Variants in KALRN observed in about 807,000 individuals in gnomAD.
KALRN encodes kalirin.
KALRN carries 70 observed loss-of-function variants against 353.7 expected under a neutral mutation model. The observed-to-expected ratio is 0.20, with a 90% CI of 0.16 to 0.24. The LOEUF is 0.24. Ranked by LOEUF, KALRN falls within the 10% of genes least tolerant of loss-of-function variation. The probability of loss-of-function intolerance (pLI) is 1.00; values close to 1 mark genes in which losing one functional copy is unlikely to be tolerated. For synonymous variants in KALRN, 1,391 were observed against 1,434.8 expected (o/e 0.97, Z 0.69); for missense variants, 2,791 against 3,756.7 (o/e 0.74, Z 6.72).
At chr3:124,175,596 C>T (rs1358060745) in intron 1 of KALRN, among the ~76,000 whole-genome samples, 2 of 146,638 alleles carry the variant, frequency 1.4e-5, no homozygotes, top group Non-Finnish European at 3.0e-5. Context: ...TGTGGAGGTG[C>T]GCGCTGCCGA....
chr3:124,308,746 A>G (rs2077951638), intron 6 of KALRN, among the ~76,000 whole-genome samples: 1 of 151,862 alleles, frequency 6.6e-6, no homozygotes, highest in Non-Finnish European at 1.5e-5. Flanking sequence ...CTAAACTTCC[A>G]CTTTAAAACA....
chr3:124,047,198 T>C lies in KALRN; in HGVS notation c.73+13385T>C, dbSNP rs144275171. 1.6e-4 allele frequency among the ~76,000 whole-genome samples: 25 copies of C among 152,274 alleles called. No individual in the cohort carries two copies. The East Asian group carries it at 4.8e-3, about 29-fold the overall frequency. On this transcript the variant is annotated intron_variant, in intron 1 of 59. Coordinates refer to ENST00000682506, the MANE Select transcript of KALRN (RefSeq NM_001388419.1). ...AAGTAGGAAAGTTCAAACATGCAAA[T>C]GGATCAACTAATTAATATTGAGTGA...
At chr3:124,332,970 GAAAA>G (rs1163837641) in intron 8 of KALRN, among the ~76,000 whole-genome samples, 2 of 151,754 alleles carry the variant, frequency 1.3e-5, no homozygotes, top group African/African-American at 4.8e-5. Flanking sequence ...TATAAAAAAA[GAAAA>G]AAAAGAGGTT....
At chr3:124,643,487 G>T (rs2082337081) in intron 37 of KALRN, among the ~76,000 whole-genome samples, 1 of 152,218 alleles carries the variant, frequency 6.6e-6, no homozygotes, top group Non-Finnish European at 1.5e-5. Context: ...TTTTGTTGTT[G>T]TTCGGTTTTT....
chr3:124,294,902 C>G (rs1008733514), intron 5 of KALRN, among the ~76,000 whole-genome samples: 16 of 152,222 alleles, frequency 1.1e-4, no homozygotes, highest in Non-Finnish European at 2.2e-4. Context: ...AAACCACTAT[C>G]TCTTCAAATG....
At chr3:124,495,909 AT>A (rs1352531442) in intron 32 of KALRN, among the ~76,000 whole-genome samples, 1 of 136,580 alleles carries the variant, frequency 7.3e-6, no homozygotes, top group Non-Finnish European at 1.6e-5. Context: ...AGTAGGATAT[AT>A]ATCTTCCTAC....
intron 1 of KALRN, among the ~76,000 whole-genome samples, chr3:124,056,096 C>T (rs1237005577): frequency 6.6e-6 from 1 of 152,224 alleles, no homozygotes; most frequent in Non-Finnish European, 1.5e-5. Context: ...TCTCTTCAAG[C>T]ATCAGGACTT....
chr3:124,708,434 A>G (rs1483729698), intron 57 of KALRN, among the ~76,000 whole-genome samples: 5 of 152,242 alleles, frequency 3.3e-5, no homozygotes, highest in Admixed American at 1.3e-4. Context: ...ACAGAGAAAT[A>G]GAAATGATTT....
chr3:124,285,151 G>A (rs1047478986), intron 5 of KALRN, among the ~76,000 whole-genome samples: 9 of 152,146 alleles, frequency 5.9e-5, no homozygotes, highest in Admixed American at 5.9e-4. Flanking sequence ...TCCTGAACAT[G>A]TAAATAAAAA....
At chr3:124,431,700 A>G (rs1202358952) in intron 16 of KALRN, among the ~76,000 whole-genome samples, 1 of 152,246 alleles carries the variant, frequency 6.6e-6, no homozygotes, top group East Asian at 1.9e-4. Context: ...TTTACTAAAA[A>G]AAAAATTGTT....
At chr3:124,098,674 T>A (rs1281817973) in intron 1 of KALRN, among the ~76,000 whole-genome samples, 1 of 152,224 alleles carries the variant, frequency 6.6e-6, no homozygotes, top group Non-Finnish European at 1.5e-5. Flanking sequence ...AATCCTGGAC[T>A]TGCGCCTACC....
At chr3:124,243,793 T>C (rs1280935884) in intron 3 of KALRN, among the ~76,000 whole-genome samples, 1 of 152,134 alleles carries the variant, frequency 6.6e-6, no homozygotes, top group Admixed American at 6.5e-5. Flanking sequence ...CCAAACACAA[T>C]GGTAGTGAGG....
intron 3 of KALRN, among the ~76,000 whole-genome samples, chr3:124,251,499 A>G (rs1235520619): frequency 6.6e-6 from 1 of 151,486 alleles, no homozygotes; most frequent in East Asian, 1.9e-4. Context: ...CCTCCCTAGT[A>G]GCTGGGACTA....
chr3:124,505,385 T>A (rs1430422592), intron 33 of KALRN, among the ~76,000 whole-genome samples: 1 of 152,184 alleles, frequency 6.6e-6, no homozygotes, highest in Non-Finnish European at 1.5e-5. Flanking sequence ...ATCCTACTAC[T>A]TTGAGAGGCC....
intron 1 of KALRN, among the ~76,000 whole-genome samples, chr3:124,043,456 G>A (rs764893892): frequency 6.6e-6 from 1 of 152,156 alleles, no homozygotes; most frequent in Non-Finnish European, 1.5e-5. Flanking sequence ...TCCTGGATGA[G>A]CCTGGAGGGG....
chr3:124,162,870 T>C (rs1329752247), intron 1 of KALRN: 1 of 152,186 alleles, frequency 6.6e-6, no homozygotes, highest in African/African-American at 2.4e-5. Flanking sequence ...AAGTGAAGTG[T>C]CTGTTGACAT....
intron 33 of KALRN, chr3:124,562,594 A>T: frequency 3.2e-6 from 1 of 315,784 alleles, no homozygotes. Flanking sequence ...ACAGCTAGAA[A>T]GCCTGAGTGA....
chr3:124,193,612 T>C (rs1211768599), intron 1 of KALRN, among the ~76,000 whole-genome samples: 1 of 152,054 alleles, frequency 6.6e-6, no homozygotes, highest in Non-Finnish European at 1.5e-5. Flanking sequence ...TAATGTTCAT[T>C]CTGGAATTTC....
intron 1 of KALRN, among the ~76,000 whole-genome samples, chr3:124,149,282 G>A (rs1272993740): frequency 2.0e-5 from 3 of 152,170 alleles, no homozygotes; most frequent in Non-Finnish European, 2.9e-5. Flanking sequence ...GCCCAGATGA[G>A]TCTACCATTG....
Sources: allele counts gnomAD v4.1 joint callset (sites outside exome capture counted in the v4.1 genomes callset), GRCh38; gene constraint gnomAD v4.1.1; transcripts MANE v1.5; gene names NCBI Gene and HGNC (gene_info 2026-07-23, HGNC 2026-07-21).